NPDC1: variants seen among roughly 807,000 people sequenced by gnomAD.
The protein encoded by NPDC1 is neural proliferation differentiation and control protein 1.
Under a neutral mutation model 32.5 loss-of-function variants are expected in NPDC1, and 18 were observed. That is an observed-to-expected ratio of 0.55 (90% confidence interval 0.38 to 0.82). NPDC1 has a LOEUF of 0.82. Among genes scored for constraint, NPDC1 ranks in the 40% least tolerant of loss-of-function variants. The probability of loss-of-function intolerance (pLI) is 0.00; values close to 1 mark genes in which losing one functional copy is unlikely to be tolerated. For missense variants in NPDC1, 468 were observed against 406.6 expected (o/e 1.15, Z -1.30); for synonymous variants, 210 against 184.7 (o/e 1.14, Z -1.11).
In NPDC1 at chr9:137,040,001, G is replaced by C. The variant is rs772121802; in HGVS notation, c.855C>G (p.Phe285Leu). 1 of 779,112 alleles carries C rather than the reference G, an allele frequency of 1.3e-6. No individual in the cohort carries two copies. Among genetic ancestry groups the C allele is most frequent in the East Asian group, 2.4e-5 (1 of 41,208 alleles). 48.3% of individuals were successfully genotyped at this position (779,112 alleles called of 1,614,324 possible). The change falls in exon 8 of 9, where the codon TTC becomes TTG. Residue 285 changes from phenylalanine to leucine, a missense_variant. By Grantham distance (22) the Phe-to-Leu change is conservative (BLOSUM62 0). Transcript: ENST00000371601. ...CCAGGCCCGGGCACTCGTACACCGT[G>C]AAGTCTCCGTCCTCATTCTCCTCAT... ...SSDEENEDGDFTVYECPGLAP... is the reference protein window; with the variant it reads ...SSDEENEDGDLTVYECPGLAP...
chr9:137,046,150 G>T lies in NPDC1; in HGVS notation c.-161C>A, dbSNP rs1180397410. ...GAGGAGGAAGAGGAAAGGCACGGGCGGCGGCGCTGACGCTGCAGCAAGGAT... is the reference window on the plus strand; with the variant it reads ...GAGGAGGAAGAGGAAAGGCACGGGCTGCGGCGCTGACGCTGCAGCAAGGAT... On this transcript the variant is annotated 5_prime_UTR_variant, in exon 1 of 9. Transcript: ENST00000371601. The T allele has an allele frequency of 6.4e-6, 7 of 1,099,964 alleles. No individual in the cohort carries two copies. The East Asian group carries it at 3.0e-4, about 47-fold the overall frequency. 68.1% of individuals were successfully genotyped at this position (1,099,964 alleles called of 1,614,324 possible).
chr9:137,046,106 G>A lies in NPDC1; in HGVS notation c.-117C>T. ...GGGGGAGGACGCAGGAGGAAGAAGAGGCGGATGCCAAGGAGGAGGAGGAGG... is the reference window on the plus strand; with the variant it reads ...GGGGGAGGACGCAGGAGGAAGAAGAAGCGGATGCCAAGGAGGAGGAGGAGG... On this transcript the variant is annotated 5_prime_UTR_variant, in exon 1 of 9. Transcript: ENST00000371601. 9.2e-7 allele frequency: 1 copy of A among 1,088,640 alleles called. No homozygotes were observed. The allele number at this position is 1,088,640 out of a possible 1,614,324, so 67.4% of individuals were successfully genotyped here. A position where few individuals can be genotyped will look rare whatever the true frequency, so the allele number is the denominator to read the frequency against.
At position 137,039,544 on chromosome 9, in the gene NPDC1, C is replaced by A; in HGVS notation, c.*228G>T. On this transcript the variant is annotated 3_prime_UTR_variant, in exon 9 of 9. Transcript: ENST00000371601. ...CCTGCGCTCTACGGTTCTCCATGCC[C>A]CCTCCAGTTTGGGGGTCTAAACCGA... The A allele has an allele frequency of 1.9e-6, 1 of 531,366 alleles. No homozygotes were observed. The highest frequency in any genetic ancestry group is 3.3e-6 in the Non-Finnish European group (1 of 302,562). The allele number at this position is 531,366 out of a possible 1,614,324, so 32.9% of individuals were successfully genotyped here. A position where few individuals can be genotyped will look rare whatever the true frequency, so the allele number is the denominator to read the frequency against.
chr9:137,045,547 C>G (rs1257261877), intron 1 of NPDC1, among the ~76,000 whole-genome samples: 2 of 152,222 alleles, frequency 1.3e-5, no homozygotes, highest in Admixed American at 6.5e-5. Context: ...CAGGCAGACT[C>G]CCGGCGGGCC....
intron 1 of NPDC1, among the ~76,000 whole-genome samples, chr9:137,045,175 G>A (rs752001938): frequency 2.6e-5 from 4 of 152,242 alleles, no homozygotes; most frequent in Non-Finnish European, 5.9e-5. Flanking sequence ...GCAGGTGAGA[G>A]GGTGTCCCAG....
At chr9:137,045,649 C>T (rs749502612) in intron 1 of NPDC1, among the ~76,000 whole-genome samples, 1 of 152,218 alleles carries the variant, frequency 6.6e-6, no homozygotes, top group Non-Finnish European at 1.5e-5. Flanking sequence ...CTCTGGGAAC[C>T]GGCAGAAGCC....
intron 1 of NPDC1, among the ~76,000 whole-genome samples, chr9:137,044,930 G>C (rs1832108834): frequency 2.0e-5 from 3 of 152,214 alleles, no homozygotes; most frequent in Admixed American, 6.5e-5. Context: ...CACACACACA[G>C]AACCAGGCTG....
chr9:137,040,233 G>T, intron 7 of NPDC1, 124 bp downstream of exon 7: 2 of 934,018 alleles, frequency 2.1e-6, no homozygotes, highest in Admixed American at 2.1e-5. Context: ...GGGAGGTGAA[G>T]GTTAGCGTGC....
At chr9:137,040,269 A>G in intron 7 of NPDC1, 88 bp downstream of exon 7, 3 of 889,944 alleles carry the variant, frequency 3.4e-6, no homozygotes, top group Non-Finnish European at 2.9e-6. Flanking sequence ...GGCCTGGGGT[A>G]AAGTTGGCCA....
Position 137,041,133 on chromosome 9 carries a change from T to C in NPDC1, c.314A>G (p.Glu105Gly). The C allele has an allele frequency of 6.6e-7, 1 of 1,507,120 alleles. No homozygotes were observed. The highest frequency in any genetic ancestry group is 1.3e-5 in the South Asian group (1 of 74,626). 93.4% of individuals were successfully genotyped at this position (1,507,120 alleles called of 1,614,324 possible). The change falls in exon 3 of 9, where the codon GAG becomes GGG. Residue 105 changes from glutamate (E) to glycine (G), a missense_variant. Physicochemically the swap from Glu to Gly is moderately conservative, Grantham distance 98. Transcript: ENST00000371601. ...GTGTCCAGACTCCTTCCGGGCAAGC[T>C]CCTGGGCCAGGAAGTCAATCTCATC... Reference protein sequence around the residue: ...LEDEIDFLAQELARKESGHST... With the variant: ...LEDEIDFLAQGLARKESGHST...
chr9:137,045,399 G>A (rs889045435), intron 1 of NPDC1, among the ~76,000 whole-genome samples: 1 of 152,396 alleles, frequency 6.6e-6, no homozygotes, highest in East Asian at 1.9e-4. Context: ...GGTGCCCAGC[G>A]CCACCCAAGG....
rs995082781 is a variant in NPDC1, at chr9:137,045,338, T to C, written c.112+540A>G. 2.6e-5 allele frequency among the ~76,000 whole-genome samples: 4 copies of C among 152,362 alleles called. 1 individual carries two copies. The South Asian group carries it at 8.3e-4, about 32-fold the overall frequency. On this transcript the variant is annotated intron_variant, in intron 1 of 8. Coordinates refer to ENST00000371601, the MANE Select transcript of NPDC1 (RefSeq NM_015392.4). ...TGAAGCTAGAACAGCACCCCGAGCCTGCGCCATAAGTGCCCCCAGAACTTC... is the reference window on the plus strand; with the variant it reads ...TGAAGCTAGAACAGCACCCCGAGCCCGCGCCATAAGTGCCCCCAGAACTTC...
intron 2 of NPDC1, 48 bp downstream of exon 2, chr9:137,042,879 G>T (rs372254162): frequency 1.3e-6 from 2 of 1,550,906 alleles, no homozygotes; most frequent in South Asian, 1.2e-5. Context: ...ACAGGGAGAG[G>T]TTCATGCAGG....
rs1564245710 is a variant in NPDC1, at chr9:137,040,022, C to T, written c.834G>A (p.Glu278=). The change falls in exon 8 of 9, where the codon GAG becomes GAA. Residue 278 remains glutamate (E), a synonymous_variant. Coordinates refer to ENST00000371601, the MANE Select transcript of NPDC1 (RefSeq NM_015392.4). Reference sequence around the variant, plus strand: ...CCGTGAAGTCTCCGTCCTCATTCTCCTCATCCGAGGAGGCCGTGTCCAGCT... The same window carrying T: ...CCGTGAAGTCTCCGTCCTCATTCTCTTCATCCGAGGAGGCCGTGTCCAGCT... ...PKELDTASSD[E]ENEDGDFTVY... 1 of 778,954 alleles carries T rather than the reference C, an allele frequency of 1.3e-6. No individual in the cohort carries two copies. The highest frequency in any genetic ancestry group is 1.7e-5 in the African/African-American group (1 of 59,052). 48.3% of individuals were successfully genotyped at this position (778,954 alleles called of 1,614,324 possible). A position where few individuals can be genotyped will look rare whatever the true frequency, so the allele number is the denominator to read the frequency against.
At chr9:137,040,307 G>C in intron 7 of NPDC1, 50 bp downstream of exon 7, 3 of 1,485,954 alleles carry the variant, frequency 2.0e-6, no homozygotes, top group Non-Finnish European at 2.7e-6. Flanking sequence ...GGTGGAGGTG[G>C]GGATGGGGGG....
chr9:137,039,709 G>A lies in NPDC1; in HGVS notation c.*63C>T, dbSNP rs1272460717. The stretch of plus-strand genomic sequence containing the variant: ...AACATGTTTTTAGTGGGAAGCTCCA[G>A]GCCCTGCCCCTCCCCGGGGGCCTCG... On this transcript the variant is annotated 3_prime_UTR_variant, in exon 9 of 9. Transcript: ENST00000371601. The A allele has an allele frequency of 1.9e-5, 13 of 690,452 alleles. No homozygotes were observed. The highest frequency in any genetic ancestry group is 3.4e-5 in the Non-Finnish European group (13 of 378,314). The allele number at this position is 690,452 out of a possible 1,614,324, so 42.8% of individuals were successfully genotyped here.
intron 2 of NPDC1, 139 bp from the exon 3 acceptor site, chr9:137,041,326 G>T: frequency 2.0e-6 from 2 of 1,006,848 alleles, no homozygotes; most frequent in Non-Finnish European, 2.6e-6. Context: ...CTCCCAGATT[G>T]CCATGGTGAC....
Position 137,046,097 on chromosome 9 carries a change from GGAA to G in NPDC1, c.-111_-109del, listed in dbSNP as rs1832125943. 1.8e-6 allele frequency: 2 copies of G among 1,087,008 alleles called. No homozygotes were observed. Among genetic ancestry groups the G allele is most frequent in the East Asian group, 5.2e-5 (1 of 19,098 alleles). The allele number at this position is 1,087,008 out of a possible 1,614,324, so 67.3% of individuals were successfully genotyped here. On this transcript the variant is annotated 5_prime_UTR_variant, in exon 1 of 9. Transcript: ENST00000371601. ...GGAGGCAGCGGGGGAGGACGCAGGA[GGAA>G]GAAGAGGCGGATGCCAAGGAGGAGG...
At position 137,042,967 on chromosome 9, in the gene NPDC1, G is replaced by C. The variant is rs1832080379; in HGVS notation, c.219C>G (p.Asp73Glu). 5 of 1,610,820 alleles carry C rather than the reference G, an allele frequency of 3.1e-6. No individual in the cohort carries two copies. Among genetic ancestry groups the C allele is most frequent in the Non-Finnish European group, 4.2e-6 (5 of 1,178,678 alleles). ...CGPCLQPFQE[D>E]QQGLCVPRMR... ...TCCTGGGCACACAGAGCCCTTGCTG[G>C]TCCTCCTGGAAGGGCTGAAGGCAGG... is the stretch of plus-strand genomic sequence containing the variant. Residue 73 changes from aspartate to glutamate, a missense_variant, in exon 2 of 9, where the codon GAC becomes GAG. Asp to Glu is a conservative substitution (Grantham distance 45). Transcript: ENST00000371601.
Sources: allele counts gnomAD v4.1 joint callset (sites outside exome capture counted in the v4.1 genomes callset), GRCh38; gene constraint gnomAD v4.1.1; transcripts MANE v1.5; gene names NCBI Gene and HGNC (gene_info 2026-07-23, HGNC 2026-07-21).